MACROD2: variants seen among roughly 807,000 people sequenced by gnomAD.
The protein encoded by MACROD2 is ADP-ribose glycohydrolase MACROD2.
In MACROD2, 36 loss-of-function variants were observed where a neutral mutation model predicts 70.4. The ratio of observed to expected loss-of-function variants is 0.51; its 90% CI spans 0.39 to 0.68. The LOEUF (loss-of-function observed/expected upper bound fraction) is 0.68, where lower values mean the gene tolerates loss of function less well. Among genes scored for constraint, MACROD2 ranks in the 30% least tolerant of loss-of-function variants. The pLI is 0.00. For missense variants in MACROD2, 496 were observed against 538.4 expected, an observed-to-expected ratio of 0.92 and a Z score of 0.78; for synonymous variants, 172 against 178.8, an observed-to-expected ratio of 0.96 and a Z score of 0.30.
chr20:14,494,713 A>G (rs1298323981), intron 4 of MACROD2, among the ~76,000 whole-genome samples: 9 of 152,150 alleles, frequency 5.9e-5, no homozygotes, highest in Admixed American at 5.9e-4. Context: ...ACAGTGGGGG[A>G]TTCATAAATG....
chr20:15,079,032 T>G (rs6079653), intron 5 of MACROD2, among the ~76,000 whole-genome samples: 111,464 of 151,986 alleles, frequency 0.73, 41,233 homozygotes, highest in East Asian at 0.79. Context: ...CTGTTCATTT[T>G]TCCTGTACAC....
At chr20:14,828,638 G>A (rs1455069307) in intron 5 of MACROD2, among the ~76,000 whole-genome samples, 1 of 152,010 alleles carries the variant, frequency 6.6e-6, no homozygotes, top group East Asian at 1.9e-4. Context: ...AACTTGTGCT[G>A]TGAAGGAATG....
At chr20:15,037,545 A>T (rs1448240602) in intron 5 of MACROD2, among the ~76,000 whole-genome samples, 1 of 152,194 alleles carries the variant, frequency 6.6e-6, no homozygotes, top group Non-Finnish European at 1.5e-5. Flanking sequence ...ATGATTTCAA[A>T]TGTGCTGGCA....
chr20:14,407,462 G>A (rs552071547), intron 3 of MACROD2, among the ~76,000 whole-genome samples: 2 of 152,066 alleles, frequency 1.3e-5, no homozygotes, highest in East Asian at 1.9e-4. Flanking sequence ...ATTATAGTTT[G>A]ACAGTGTGGT....
rs1568739737 is a variant in MACROD2, at chr20:16,051,973, A to T, written c.*2097A>T. 1.3e-5 allele frequency: 2 copies of T among 152,198 alleles called. No individual in the cohort carries two copies. Among genetic ancestry groups the T allele is most frequent in the Non-Finnish European group, 2.9e-5 (2 of 68,034 alleles). The allele number at this position is 152,198 out of a possible 1,614,324, so 9.4% of individuals were successfully genotyped here. ...TGGCATTCTCCTTATCATCAATGAC[A>T]GTCATTTTATTCATTTATTTCAAAT... On this transcript the variant is annotated 3_prime_UTR_variant, in exon 18 of 18. Coordinates refer to ENST00000684519, the MANE Select transcript of MACROD2 (RefSeq NM_001351661.2).
intron 5 of MACROD2, among the ~76,000 whole-genome samples, chr20:14,701,174 T>C (rs916562234): frequency 4.6e-5 from 7 of 152,194 alleles, no homozygotes; most frequent in Non-Finnish European, 1.0e-4. Flanking sequence ...GTGATTTCTT[T>C]AGTTATGGAG....
chr20:15,831,214 C>A (rs1477341850), intron 8 of MACROD2, among the ~76,000 whole-genome samples: 10 of 152,110 alleles, frequency 6.6e-5, no homozygotes, highest in African/African-American at 2.4e-4. Flanking sequence ...ATATAGACCC[C>A]ATTTGCAAAA....
At chr20:15,579,967 C>A (rs140057979) in intron 8 of MACROD2, among the ~76,000 whole-genome samples, 2 of 152,288 alleles carry the variant, frequency 1.3e-5, no homozygotes, top group East Asian at 3.9e-4. Context: ...GTACTTGCAT[C>A]ACTTCCGGAA....
chr20:14,437,943 AC>A (rs1414257874), intron 3 of MACROD2, among the ~76,000 whole-genome samples: 2 of 152,180 alleles, frequency 1.3e-5, no homozygotes, highest in Non-Finnish European at 2.9e-5. Context: ...CATTCCCCCT[AC>A]AGTGACAAGA....
chr20:16,040,420 A>G (rs1023348766), intron 15 of MACROD2, among the ~76,000 whole-genome samples: 3 of 151,962 alleles, frequency 2.0e-5, no homozygotes, highest in Admixed American at 1.3e-4. Context: ...CTTTAAAATT[A>G]TGGGTTTTCT....
chr20:15,882,781 A>T (rs938747305), intron 9 of MACROD2, among the ~76,000 whole-genome samples: 6 of 152,070 alleles, frequency 3.9e-5, no homozygotes, highest in African/African-American at 1.4e-4. Context: ...TGCGTGAATG[A>T]AGTGAATGAA....
chr20:15,312,965 T>C (rs1284588424), intron 6 of MACROD2, among the ~76,000 whole-genome samples: 1 of 152,216 alleles, frequency 6.6e-6, no homozygotes, highest in Admixed American at 6.5e-5. Flanking sequence ...TATTCATCTA[T>C]CTATGCCTTT....
intron 6 of MACROD2, among the ~76,000 whole-genome samples, chr20:15,249,677 T>C (rs1421895700): frequency 6.6e-6 from 1 of 152,258 alleles, no homozygotes; most frequent in Non-Finnish European, 1.5e-5. Context: ...CAGTCTACAG[T>C]TTCAAAATTA....
At chr20:14,065,185 C>T (rs1601178688) in intron 2 of MACROD2, among the ~76,000 whole-genome samples, 1 of 152,246 alleles carries the variant, frequency 6.6e-6, no homozygotes, top group East Asian at 1.9e-4. Flanking sequence ...CTGTTCTGGC[C>T]AGTTAACTTA....
chr20:14,280,683 C>T (rs1338745486), intron 3 of MACROD2, among the ~76,000 whole-genome samples: 1 of 152,136 alleles, frequency 6.6e-6, no homozygotes, highest in Non-Finnish European at 1.5e-5. Context: ...AAAGCTCTAG[C>T]AGTTTATAAA....
intron 8 of MACROD2, among the ~76,000 whole-genome samples, chr20:15,773,824 A>G (rs1349621242): frequency 2.6e-5 from 4 of 152,190 alleles, no homozygotes; most frequent in Non-Finnish European, 5.9e-5. Context: ...AAGAGAAGTC[A>G]CCACTGATCT....
intron 4 of MACROD2, among the ~76,000 whole-genome samples, chr20:14,564,614 C>T (rs1646548357): frequency 6.6e-6 from 1 of 151,940 alleles, no homozygotes; most frequent in Non-Finnish European, 1.5e-5. Context: ...CATCACTAAT[C>T]ATCAGGGAAA....
At chr20:14,919,066 G>C (rs1012269649) in intron 5 of MACROD2, among the ~76,000 whole-genome samples, 1 of 152,078 alleles carries the variant, frequency 6.6e-6, no homozygotes, top group African/African-American at 2.4e-5. Context: ...TGTGTTTTGC[G>C]GTGTTTATAT....
intron 5 of MACROD2, among the ~76,000 whole-genome samples, chr20:15,033,635 T>G (rs1277922647): frequency 1.3e-5 from 2 of 152,210 alleles, no homozygotes; most frequent in African/African-American, 2.4e-5. Flanking sequence ...ATAAAATAAT[T>G]TAAGCTAAGC....
Sources: allele counts gnomAD v4.1 joint callset (sites outside exome capture counted in the v4.1 genomes callset), GRCh38; gene constraint gnomAD v4.1.1; transcripts MANE v1.5; gene names NCBI Gene and HGNC (gene_info 2026-07-23, HGNC 2026-07-21).